SLC2A14: variants seen among roughly 807,000 people sequenced by gnomAD.
The protein encoded by SLC2A14 is solute carrier family 2, facilitated glucose transporter member 14.
SLC2A14 carries 13 observed loss-of-function variants against 43.0 expected under a neutral mutation model. The ratio of observed to expected loss-of-function variants is 0.30; its 90% CI spans 0.20 to 0.48. SLC2A14 has a LOEUF of 0.48. SLC2A14 is among the 20% of genes least tolerant of loss of function. The pLI is 0.99. For synonymous variants in SLC2A14, 190 were observed against 233.8 expected, an observed-to-expected ratio of 0.81 and a Z score of 1.71; for missense variants, 428 against 620.4, an observed-to-expected ratio of 0.69 and a Z score of 3.29.
In SLC2A14 at chr12:7,886,517, A is replaced by G. The variant is rs186067819; in HGVS notation, c.132+4479T>C. Among the ~76,000 whole-genome samples the G allele has an allele frequency of 1.6e-3, 247 of 152,060 alleles. 1 individual carries two copies. Among genetic ancestry groups the G allele is most frequent in the Middle Eastern group, 3.4e-3 (1 of 294 alleles). On this transcript the variant is annotated intron_variant, in intron 1 of 9. Transcript: ENST00000539924. The stretch of plus-strand genomic sequence containing the variant: ...CTGCAGCTAGCTAAAATTTTTCATA[A>G]TAAAAAGGTTCTTTTTGTGTTTTTA...
chr12:7,840,352 T>TTATA (rs1049273238), intron 2 of SLC2A14, among the ~76,000 whole-genome samples: 1 of 151,882 alleles, frequency 6.6e-6, no homozygotes, highest in African/African-American at 2.4e-5. Context: ...TTTCTACTGT[T>TTATA]TATAGATTAC....
intron 1 of SLC2A14, among the ~76,000 whole-genome samples, chr12:7,882,830 T>C (rs750117304): frequency 6.6e-6 from 1 of 151,842 alleles, no homozygotes; most frequent in African/African-American, 2.4e-5. Flanking sequence ...AGTGAGGCTG[T>C]CTCAAAAAAA....
rs145609502 is a variant in SLC2A14, at chr12:7,815,655, C to T, written c.1276-1121G>A. Among the ~76,000 whole-genome samples, 387 of 152,282 alleles carry T rather than the reference C, an allele frequency of 2.5e-3. 1 individual carries two copies. Among genetic ancestry groups the T allele is most frequent in the African/African-American group, 8.3e-3 (344 of 41,582 alleles). On this transcript the variant is annotated intron_variant, in intron 10 of 10. Transcript: ENST00000431042. ...GCAATGGCATGAGCTCCGCTCACAG[C>T]ATCCTCCGCCTCCCAGGTTCAAGCG...
chr12:7,878,976 CAAAAA>C (rs58838986), intron 1 of SLC2A14, among the ~76,000 whole-genome samples: 4 of 69,320 alleles, frequency 5.8e-5, no homozygotes, highest in Non-Finnish European at 1.1e-4. Context: ...GAGTCCGTCT[CAAAAA>C]AAAAAAAAAA....
chr12:7,885,939 A>G lies in SLC2A14; in HGVS notation c.132+5057T>C, dbSNP rs1945680274. Among the ~76,000 whole-genome samples, 5 of 151,852 alleles carry G rather than the reference A, an allele frequency of 3.3e-5. No individual in the cohort carries two copies. The South Asian group carries it at 1.0e-3, about 32-fold the overall frequency. On this transcript the variant is annotated intron_variant, in intron 1 of 9. Transcript: ENST00000539924. ...CTGGTTCATAGATACATATGTGAAGATTTATTGTATTGTTCACTATGTAAG... is the reference window on the plus strand; with the variant it reads ...CTGGTTCATAGATACATATGTGAAGGTTTATTGTATTGTTCACTATGTAAG...
intron 2 of SLC2A14, among the ~76,000 whole-genome samples, chr12:7,858,142 C>A (rs1485714834): frequency 1.3e-5 from 2 of 151,952 alleles, no homozygotes; most frequent in African/African-American, 4.8e-5. Context: ...TGAAAAAAAA[C>A]AAAAACAAAA....
At chr12:7,865,988 G>A (rs984530961) in intron 2 of SLC2A14, among the ~76,000 whole-genome samples, 2 of 152,000 alleles carry the variant, frequency 1.3e-5, no homozygotes, top group African/African-American at 2.4e-5. Context: ...AGGCCGAGGC[G>A]GGTGGATCAT....
chr12:7,861,447 GC>G (rs893646225), intron 2 of SLC2A14, among the ~76,000 whole-genome samples: 1 of 151,970 alleles, frequency 6.6e-6, no homozygotes, highest in African/African-American at 2.4e-5. Flanking sequence ...TGCAAATTAG[GC>G]AAAGGTGCCC....
At chr12:7,826,854 CTTTCTTTTTTCTTTCTTTCT>C (rs1864412446) in intron 7 of SLC2A14, among the ~76,000 whole-genome samples, 1 of 8,236 alleles carries the variant, frequency 1.2e-4, no homozygotes, top group Admixed American at 2.3e-3. Flanking sequence ...TCCTTCCTTC[CTTTCTTTTTTCTTTCTTTCT>C]TTCTTTCTTT....
intron 7 of SLC2A14, among the ~76,000 whole-genome samples, chr12:7,826,672 G>A (rs1325143917): frequency 6.6e-6 from 1 of 152,004 alleles, no homozygotes; most frequent in Non-Finnish European, 1.5e-5. Flanking sequence ...TATTTGCATG[G>A]AATACAAGGG....
At chr12:7,842,518 T>C (rs1318020826) in intron 2 of SLC2A14, among the ~76,000 whole-genome samples, 3 of 152,164 alleles carry the variant, frequency 2.0e-5, no homozygotes, top group Non-Finnish European at 4.4e-5. Flanking sequence ...ACACAGATAA[T>C]TGCTTGCATG....
intron 1 of SLC2A14, among the ~76,000 whole-genome samples, chr12:7,887,533 T>A (rs1190622073): frequency 6.6e-5 from 10 of 151,826 alleles, no homozygotes; most frequent in Non-Finnish European, 8.8e-5. Context: ...AGAGCTTATA[T>A]TCTAGTGATA....
At chr12:7,831,555 C>T (rs372083496) in intron 4 of SLC2A14, 49 bp downstream of exon 4, 138 of 1,608,714 alleles carry the variant, frequency 8.6e-5, no homozygotes, top group Non-Finnish European at 1.1e-4. Context: ...ACACTTGTCC[C>T]CAATGCATCT....
At chr12:7,817,553 G>A (rs1053585768) in intron 10 of SLC2A14, among the ~76,000 whole-genome samples, 1 of 152,086 alleles carries the variant, frequency 6.6e-6, no homozygotes, top group Admixed American at 6.5e-5. Flanking sequence ...CAGATTACCA[G>A]GTCAAGAGAT....
upstream of SLC2A14, chr12:7,873,382 C>G (rs1392260227): frequency 1.0e-6 from 1 of 983,842 alleles, no homozygotes; most frequent in Non-Finnish European, 1.2e-6. Flanking sequence ...TGGCTCACAC[C>G]TGTAATCCTA....
Position 7,857,639 on chromosome 12 carries a change from C to A in SLC2A14, c.18+12224G>T, listed in dbSNP as rs543452798. Among the ~76,000 whole-genome samples, 185 of 152,146 alleles carry A rather than the reference C, an allele frequency of 1.2e-3. 2 individuals carry two copies. The highest frequency in any genetic ancestry group is 5.7e-3 in the Admixed American group (87 of 15,268). On this transcript the variant is annotated intron_variant, in intron 2 of 10. Coordinates refer to ENST00000431042, the MANE Select transcript of SLC2A14 (RefSeq NM_001286234.2). ...ATTCCTTTCTAAAAATTAAATAGTT[C>A]TCTTGATCTTACCTTCAGCTTGAGA... is the stretch of plus-strand genomic sequence containing the variant.
At chr12:7,869,374 G>C (rs1001083834) in intron 2 of SLC2A14, among the ~76,000 whole-genome samples, 2 of 152,024 alleles carry the variant, frequency 1.3e-5, no homozygotes, top group Non-Finnish European at 2.9e-5. Flanking sequence ...CAATCCAAAG[G>C]CTCATATGTT....
At chr12:7,861,584 C>G (rs963554432) in intron 2 of SLC2A14, among the ~76,000 whole-genome samples, 1 of 152,068 alleles carries the variant, frequency 6.6e-6, no homozygotes, top group African/African-American at 2.4e-5. Flanking sequence ...TCTACTTATC[C>G]CACAAAACCG....
chr12:7,887,566 T>TAGATAGATAGATAGAC (rs1945707535), intron 1 of SLC2A14, among the ~76,000 whole-genome samples: 1 of 14,302 alleles, frequency 7.0e-5, no homozygotes, highest in African/African-American at 2.2e-4. Context: ...ATCAGATAGA[T>TAGATAGATAGATAGAC]AGATAGATAG....
Sources: gnomAD v4.1 joint callset for allele counts (sites outside exome capture counted in the v4.1 genomes callset) on GRCh38, gnomAD v4.1.1 for gene constraint, MANE v1.5 for transcripts, NCBI Gene and HGNC (gene_info 2026-07-23, HGNC 2026-07-21) for gene names.